SUN1: variants seen among roughly 807,000 people sequenced by gnomAD.
SUN1 encodes the protein SUN domain-containing protein 1.
SUN1 carries 61 observed loss-of-function variants against 103.2 expected under a neutral mutation model. The observed-to-expected ratio is 0.59, with a 90% confidence interval of 0.48 to 0.73. The LOEUF (loss-of-function observed/expected upper bound fraction) is 0.73. Among genes scored for constraint, SUN1 ranks in the 30% least tolerant of loss-of-function variants. The pLI is 0.00. For synonymous variants in SUN1, 490 were observed against 425.7 expected (o/e 1.15, Z -1.86); for missense variants, 1,052 against 1,034.6 (o/e 1.02, Z -0.23).
chr7:867,221 C>A (rs1837694609), intron 16 of SUN1, among the ~76,000 whole-genome samples: 1 of 152,264 alleles, frequency 6.6e-6, no homozygotes, highest in South Asian at 2.1e-4. Flanking sequence ...CACTTTGCTC[C>A]TGAGGGCACA....
intron 1 of SUN1, among the ~76,000 whole-genome samples, chr7:836,169 C>G (rs1802927732): frequency 6.6e-6 from 1 of 152,058 alleles, no homozygotes; most frequent in Admixed American, 6.6e-5. Context: ...AAGCGTGTGT[C>G]TAGATGCTGG....
chr7:834,224 G>A (rs145097596), intron 1 of SUN1, among the ~76,000 whole-genome samples: 4,541 of 148,316 alleles, frequency 0.031, 156 homozygotes, highest in Middle Eastern at 0.038. Context: ...GGGGCTGGCC[G>A]GATGGTGTAG....
At chr7:827,091 A>G (rs1172371825) in intron 1 of SUN1, among the ~76,000 whole-genome samples, 1 of 151,950 alleles carries the variant, frequency 6.6e-6, no homozygotes, top group Non-Finnish European at 1.5e-5. Flanking sequence ...GGCAGATCTC[A>G]GCTCACTGCA....
chr7:833,829 G>A (rs1469685873), intron 1 of SUN1, among the ~76,000 whole-genome samples: 2 of 147,554 alleles, frequency 1.4e-5, no homozygotes, highest in African/African-American at 4.9e-5. Context: ...GCCAGCTCAG[G>A]GGAGACTGCT....
chr7:855,974 C>T (rs1826895251), intron 11 of SUN1, among the ~76,000 whole-genome samples: 2 of 152,198 alleles, frequency 1.3e-5, no homozygotes, highest in African/African-American at 2.4e-5. Flanking sequence ...CGCTGGTGCT[C>T]AGCGTGGTGC....
At chr7:841,917 A>G (rs771066327) in intron 2 of SUN1, 29 bp from the exon 3 acceptor site, 9 of 1,609,516 alleles carry the variant, frequency 5.6e-6, no homozygotes, top group Admixed American at 1.7e-5. Flanking sequence ...GAAAAGATCT[A>G]TAAACTTGCT....
intron 10 of SUN1, among the ~76,000 whole-genome samples, chr7:854,501 G>A (rs1277556152): frequency 6.6e-6 from 1 of 152,258 alleles, no homozygotes; most frequent in African/African-American, 2.4e-5. Flanking sequence ...TGCCCTGCTG[G>A]ACAGCACAGA....
chr7:864,941 T>C (rs2128490323), intron 15 of SUN1, among the ~76,000 whole-genome samples: 1 of 151,788 alleles, frequency 6.6e-6, no homozygotes, highest in South Asian at 2.1e-4. Context: ...ATTCTTTTTT[T>C]CTCTGGACCC....
At chr7:861,015 C>A (rs892555015) in intron 14 of SUN1, among the ~76,000 whole-genome samples, 4 of 152,222 alleles carry the variant, frequency 2.6e-5, no homozygotes, top group African/African-American at 9.7e-5. Flanking sequence ...GGGACACAGC[C>A]AAGCCCTATC....
chr7:841,271 T>C (rs1401583902), intron 2 of SUN1, among the ~76,000 whole-genome samples: 1 of 125,520 alleles, frequency 8.0e-6, no homozygotes, highest in Non-Finnish European at 1.6e-5. Flanking sequence ...TGAGCCGGAG[T>C]CTGGCTCTGT....
upstream of SUN1, chr7:816,604 C>T (rs1158143732): frequency 2.5e-6 from 1 of 394,736 alleles, no homozygotes; most frequent in Non-Finnish European, 5.0e-6. Context: ...CCGCGATTGG[C>T]TGGCGTGGGC....
At position 858,031 on chromosome 7, in the gene SUN1, T is replaced by G. The variant is rs1829103393; in HGVS notation, c.1524+74T>G. 2.1e-6 allele frequency: 3 copies of G among 1,437,336 alleles called. No homozygotes were observed. The East Asian group carries it at 7.3e-5, about 35-fold the overall frequency. 89.0% of individuals were successfully genotyped at this position (1,437,336 alleles called of 1,614,324 possible). Reference sequence around the variant, plus strand: ...AAAACTTGAATTGATGACTTAGGTTTATTAGCTGTTTAATTTTTTATTTAT... The same window carrying G: ...AAAACTTGAATTGATGACTTAGGTTGATTAGCTGTTTAATTTTTTATTTAT... On this transcript the variant is annotated intron_variant, in intron 13 of 18. Transcript: ENST00000401592.
intron 6 of SUN1, 136 bp downstream of exon 6, chr7:851,618 C>G: frequency 1.3e-6 from 1 of 793,550 alleles, no homozygotes; most frequent in Non-Finnish European, 2.0e-6. Flanking sequence ...GTGTCTCGTT[C>G]TTTATGACGT....
chr7:872,058 C>T (rs951771880), intron 17 of SUN1, among the ~76,000 whole-genome samples: 4 of 152,200 alleles, frequency 2.6e-5, no homozygotes, highest in African/African-American at 9.6e-5. Context: ...CAAAGTCGGT[C>T]TTCTGTGGCC....
chr7:826,163 G>A (rs554053489), intron 1 of SUN1, among the ~76,000 whole-genome samples: 4 of 152,260 alleles, frequency 2.6e-5, no homozygotes, highest in South Asian at 2.1e-4. Flanking sequence ...GGAGATGGAG[G>A]CTGCAGTGAG....
chr7:845,729 G>A (rs1379163038), intron 5 of SUN1, among the ~76,000 whole-genome samples: 1 of 152,168 alleles, frequency 6.6e-6, no homozygotes, highest in Admixed American at 6.5e-5. Flanking sequence ...AAGTCTTTCA[G>A]TAGTACAGAT....
rs1823559561 is a variant in SUN1, at chr7:852,853, G to T, written c.954G>T (p.Leu318Phe). ...LRGQGNFFSF[L>F]PVLNWASMHR... is the part of the protein sequence containing the mutation. ...GCCAGGGCAATTTCTTTTCGTTCTT[G>T]CCCGTGTTGAACTGGGCAAGCATGC... Residue 318 changes from leucine (L) to phenylalanine (F), a missense_variant, in exon 9 of 19, where the codon TTG (leucine) becomes TTT (phenylalanine). Physicochemically the swap from Leu to Phe is conservative, Grantham distance 22. Around this residue, in one of 2 missense-constraint regions of SUN1, gnomAD observed 846 missense variants for 774.5 expected, o/e 1.09. Transcript: ENST00000401592. 6.2e-7 allele frequency: 1 copy of T among 1,613,788 alleles called. No individual in the cohort carries two copies. The highest frequency in any genetic ancestry group is 8.5e-7 in the Non-Finnish European group (1 of 1,179,816).
Position 854,949 on chromosome 7 carries a change from T to C in SUN1, c.1293T>C (p.His431=). 3.7e-6 allele frequency: 6 copies of C among 1,613,816 alleles called. No homozygotes were observed. Among genetic ancestry groups the C allele is most frequent in the Non-Finnish European group, 5.1e-6 (6 of 1,179,888 alleles). The change falls in exon 11 of 19, where the codon CAT becomes CAC. Residue 431 remains histidine (H), a synonymous_variant. Coordinates refer to ENST00000401592, the MANE Select transcript of SUN1 (RefSeq NM_001130965.3). The part of the protein sequence containing the change: ...ETDFMAFHQE[H]EVRMSHLEDI... Reference sequence around the variant, plus strand: ...ACTTTATGGCCTTTCACCAAGAACATGAAGTGCGTATGTCACACTTGGAAG... The same window carrying C: ...ACTTTATGGCCTTTCACCAAGAACACGAAGTGCGTATGTCACACTTGGAAG...
rs553874738 is a variant in SUN1, at chr7:837,233, C to T, written c.78-1565C>T. Among the ~76,000 whole-genome samples the T allele has an allele frequency of 5.9e-5, 9 of 152,260 alleles. 1 individual carries two copies. In the South Asian group the frequency reaches 1.0e-3, roughly 18 times the overall value. The stretch of plus-strand genomic sequence containing the variant: ...GGTTCCGTGGCTGGAAGAGCTGGGG[C>T]GAGCCGGGGTCTGTGGCTGGAGTCG... On this transcript the variant is annotated intron_variant, in intron 1 of 18. Coordinates refer to ENST00000401592, the MANE Select transcript of SUN1 (RefSeq NM_001130965.3).
Sources: gnomAD v4.1 joint callset for allele counts (sites outside exome capture counted in the v4.1 genomes callset) on GRCh38, gnomAD v4.1.1 for gene constraint, gnomAD v4.1.1 regional missense constraint, MANE v1.5 for transcripts, NCBI Gene and HGNC (gene_info 2026-07-23, HGNC 2026-07-21) for gene names.